SLC25A21: variants seen among roughly 807,000 people sequenced by gnomAD.
The protein encoded by SLC25A21 is mitochondrial 2-oxodicarboxylate carrier.
A neutral mutation model predicts 43.8 loss-of-function variants in SLC25A21; 47 were observed. That is an observed-to-expected ratio of 1.07 (90% confidence interval 0.85 to 1.37). The LOEUF (loss-of-function observed/expected upper bound fraction) is 1.37, where lower values mean the gene tolerates loss of function less well. Ranked by LOEUF, SLC25A21 falls within the 40% of genes most tolerant of loss-of-function variation. The pLI, the probability that SLC25A21 is intolerant of heterozygous loss-of-function variation, is 0.00. For missense variants in SLC25A21, 352 were observed against 350.2 expected (o/e 1.00, Z -0.04); for synonymous variants, 131 against 121.3 (o/e 1.08, Z -0.52).
intron 1 of SLC25A21, among the ~76,000 whole-genome samples, chr14:37,166,199 C>T (rs1044394989): frequency 1.3e-5 from 2 of 152,126 alleles, no homozygotes; most frequent in Non-Finnish European, 2.9e-5. Context: ...TTTTTCAGTC[C>T]ACAATGTGTC....
chr14:36,914,505 G>C (rs1277846947), intron 1 of SLC25A21, among the ~76,000 whole-genome samples: 2 of 152,018 alleles, frequency 1.3e-5, no homozygotes, highest in Admixed American at 6.6e-5. Context: ...GAGTCCATAG[G>C]GTAATAAATT....
chr14:36,814,489 C>T (rs931577902), intron 2 of SLC25A21, among the ~76,000 whole-genome samples: 1 of 152,118 alleles, frequency 6.6e-6, no homozygotes, highest in Non-Finnish European at 1.5e-5. Context: ...TACCAAACAA[C>T]CCCATCAAAA....
chr14:37,151,805 C>T (rs1207915136), intron 1 of SLC25A21, among the ~76,000 whole-genome samples: 3 of 152,120 alleles, frequency 2.0e-5, no homozygotes, highest in African/African-American at 2.4e-5. Context: ...GAGGCCAAGG[C>T]GGGCAGATCA....
intron 1 of SLC25A21, among the ~76,000 whole-genome samples, chr14:36,977,954 T>TAAA (rs36000189): frequency 2.5e-5 from 3 of 121,092 alleles, no homozygotes; most frequent in African/African-American, 8.6e-5. Context: ...TTTTTTTTTT[T>TAAA]AAAAAAAAAA....
intron 1 of SLC25A21, among the ~76,000 whole-genome samples, chr14:37,136,206 CCT>C (rs1173560923): frequency 1.3e-5 from 2 of 152,036 alleles, no homozygotes; most frequent in African/African-American, 2.4e-5. Context: ...GCTAGTTTCC[CCT>C]CTGTCTTTAA....
At position 36,893,809 on chromosome 14, in the gene SLC25A21, C is replaced by T. The variant is rs140049531; in HGVS notation, c.71-18805G>A. Among the ~76,000 whole-genome samples the T allele has an allele frequency of 6.3e-3, 958 of 151,992 alleles. 14 individuals are homozygous for T. The highest frequency in any genetic ancestry group is 0.022 in the African/African-American group (902 of 41,510). On this transcript the variant is annotated intron_variant, in intron 1 of 9. Coordinates refer to ENST00000331299, the MANE Select transcript of SLC25A21 (RefSeq NM_030631.4). ...CATTTATTAAATAGGGAATCCTTTC[C>T]CTATTGCCTTTGTCAGGTTTGTCAA...
At chr14:37,055,247 T>A (rs1961794929) in intron 1 of SLC25A21, among the ~76,000 whole-genome samples, 1 of 152,234 alleles carries the variant, frequency 6.6e-6, no homozygotes, top group Non-Finnish European at 1.5e-5. Context: ...CTAGAATTGA[T>A]TTAATTAATG....
intron 1 of SLC25A21, among the ~76,000 whole-genome samples, chr14:36,881,224 T>C (rs1009975831): frequency 6.6e-6 from 1 of 152,194 alleles, no homozygotes; most frequent in Non-Finnish European, 1.5e-5. Flanking sequence ...ACACAGATAA[T>C]CATTTAAAAT....
intron 1 of SLC25A21, among the ~76,000 whole-genome samples, chr14:36,905,709 T>C (rs144324540): frequency 2.0e-5 from 3 of 152,230 alleles, no homozygotes; most frequent in African/African-American, 2.4e-5. Flanking sequence ...AGATCAAAGA[T>C]AGGCTAGCAA....
At chr14:36,791,777 A>C (rs977342908) in intron 3 of SLC25A21, among the ~76,000 whole-genome samples, 11 of 152,310 alleles carry the variant, frequency 7.2e-5, no homozygotes, top group African/African-American at 1.9e-4. Flanking sequence ...AAAATCAGCC[A>C]ATAAACCTGG....
chr14:36,710,442 AAAAG>A (rs903974250), intron 7 of SLC25A21, among the ~76,000 whole-genome samples: 19 of 151,868 alleles, frequency 1.3e-4, no homozygotes, highest in Admixed American at 5.2e-4. Context: ...GAAAGAAAGA[AAAAG>A]AAAGAAACAG....
chr14:37,145,074 G>C (rs1243957435), intron 1 of SLC25A21, among the ~76,000 whole-genome samples: 1 of 152,068 alleles, frequency 6.6e-6, no homozygotes, highest in African/African-American at 2.4e-5. Context: ...CACTTTACAT[G>C]CCTCAATCCA....
In SLC25A21 at chr14:36,748,406, T is replaced by C. The variant is rs187442895; in HGVS notation, c.204-13833A>G. 2.9e-3 allele frequency among the ~76,000 whole-genome samples: 447 copies of C among 152,288 alleles called. 3 individuals carry two copies. Among genetic ancestry groups the C allele is most frequent in the African/African-American group, 0.01 (417 of 41,566 alleles). ...TTTTAAAAAGTGCCCAAGTCCTTAT[T>C]TAACTGACTAAAACACAAGTTAAAT... On this transcript the variant is annotated intron_variant, in intron 3 of 9. Coordinates refer to ENST00000331299, the MANE Select transcript of SLC25A21 (RefSeq NM_030631.4).
intron 1 of SLC25A21, among the ~76,000 whole-genome samples, chr14:37,160,549 T>C (rs35615614): frequency 0.39 from 59,152 of 151,926 alleles, 12,261 homozygotes; most frequent in African/African-American, 0.54. Flanking sequence ...GAAAAATAGA[T>C]AACAGAGGCT....
chr14:37,133,177 G>A (rs1203934344), intron 1 of SLC25A21, among the ~76,000 whole-genome samples: 1 of 139,824 alleles, frequency 7.2e-6, no homozygotes, highest in Non-Finnish European at 1.5e-5. Context: ...ACACACTCAT[G>A]CAAACACACA....
At chr14:36,780,796 T>G (rs1887028478) in intron 3 of SLC25A21, among the ~76,000 whole-genome samples, 1 of 152,112 alleles carries the variant, frequency 6.6e-6, no homozygotes, top group Non-Finnish European at 1.5e-5. Context: ...ATGTGTATTT[T>G]GCTGCTGTTT....
chr14:36,904,903 C>G (rs754176902), intron 1 of SLC25A21, among the ~76,000 whole-genome samples: 14 of 152,244 alleles, frequency 9.2e-5, no homozygotes, highest in African/African-American at 2.9e-4. Flanking sequence ...AATCATATCA[C>G]TCGTGTTATG....
At position 37,030,134 on chromosome 14, in the gene SLC25A21, T is replaced by C. The variant is rs1424091243; in HGVS notation, c.70+142147A>G. 2.6e-5 allele frequency among the ~76,000 whole-genome samples: 4 copies of C among 152,176 alleles called. No individual in the cohort carries two copies. The East Asian group carries it at 5.8e-4, about 22-fold the overall frequency. On this transcript the variant is annotated intron_variant, in intron 1 of 9. Transcript: ENST00000331299. ...GTTGACTAACACTTTGTATATGTAT[T>C]ATATAAAGAAAAGAAAATGTTTTTA...
chr14:37,053,757 G>T (rs966338191), intron 1 of SLC25A21, among the ~76,000 whole-genome samples: 3 of 152,024 alleles, frequency 2.0e-5, no homozygotes, highest in Non-Finnish European at 2.9e-5. Context: ...CCTCTGAATA[G>T]ATTAGAAAAA....
Sources: allele counts gnomAD v4.1 joint callset (sites outside exome capture counted in the v4.1 genomes callset), GRCh38; gene constraint gnomAD v4.1.1; transcripts MANE v1.5; gene names NCBI Gene and HGNC (gene_info 2026-07-23, HGNC 2026-07-21).